Variants in SEMA4D observed in about 807,000 individuals in gnomAD.
SEMA4D encodes semaphorin-4D.
Under a neutral mutation model 74.8 loss-of-function variants are expected in SEMA4D, and 22 were observed. The ratio of observed to expected loss-of-function variants is 0.29; its 90% CI spans 0.21 to 0.42. The LOEUF (loss-of-function observed/expected upper bound fraction) is 0.42, where lower values mean the gene tolerates loss of function less well. Among genes scored for constraint, SEMA4D ranks in the 10% least tolerant of loss-of-function variants. The pLI is 1.00. For missense variants in SEMA4D, 937 were observed against 1,118.4 expected (o/e 0.84, Z 2.31); for synonymous variants, 445 against 463.7 (o/e 0.96, Z 0.52).
chr9:89,494,693 G>A (rs1336649332), intron 1 of SEMA4D, among the ~76,000 whole-genome samples: 1 of 152,140 alleles, frequency 6.6e-6, no homozygotes, highest in African/African-American at 2.4e-5. Context: ...CAAAGTGCAT[G>A]CAAGTAGGCA....
chr9:89,458,085 G>A (rs1255964050), intron 1 of SEMA4D, among the ~76,000 whole-genome samples: 2 of 152,144 alleles, frequency 1.3e-5, no homozygotes, highest in African/African-American at 2.4e-5. Context: ...GTGACCTTGT[G>A]TGGAAAGGGA....
intron 16 of SEMA4D, chr9:89,364,086 C>T: frequency 6.4e-7 from 1 of 1,555,060 alleles, no homozygotes; most frequent in Admixed American, 1.8e-5. Context: ...AATTCAGTCC[C>T]TGGGACTGCC....
intron 2 of SEMA4D, among the ~76,000 whole-genome samples, chr9:89,447,390 T>C (rs1853177871): frequency 6.6e-6 from 1 of 151,238 alleles, no homozygotes; most frequent in Admixed American, 6.6e-5. Flanking sequence ...CAAACCACGC[T>C]CCTCACCTCC....
chr9:89,392,902 T>C (rs947394783), intron 7 of SEMA4D, among the ~76,000 whole-genome samples: 3 of 152,126 alleles, frequency 2.0e-5, no homozygotes, highest in Non-Finnish European at 4.4e-5. Flanking sequence ...AATTTTTACA[T>C]TTTTTGGTAG....
At chr9:89,386,281 G>C in intron 13 of SEMA4D, 86 bp downstream of exon 13, 1 of 1,159,434 alleles carries the variant, frequency 8.6e-7, no homozygotes, top group South Asian at 1.5e-5. Context: ...CCAGGAGCCC[G>C]ACTCCAGCTT....
rs111297115 is a variant in SEMA4D, at chr9:89,366,937, T to C, written c.1883-2987A>G. Among the ~76,000 whole-genome samples, 1,047 of 152,260 alleles carry C rather than the reference T, an allele frequency of 6.9e-3. 15 individuals are homozygous for C. The highest frequency in any genetic ancestry group is 0.024 in the African/African-American group (992 of 41,534). On this transcript the variant is annotated intron_variant, in intron 16 of 18. Coordinates refer to the SEMA4D transcript ENST00000339861. ...GACTAAGAATCTGGGTGGCCTAAGC[T>C]GGATTGGATTAATCACCCAACGCCC...
At chr9:89,386,065 G>A (rs1227170220) in intron 13 of SEMA4D, 8 of 985,336 alleles carry the variant, frequency 8.1e-6, no homozygotes, top group African/African-American at 3.5e-5. Context: ...ATAAAAAGGT[G>A]TCTTCATGGA....
intron 1 of SEMA4D, among the ~76,000 whole-genome samples, chr9:89,495,432 C>A (rs1359925601): frequency 1.3e-5 from 2 of 152,114 alleles, no homozygotes; most frequent in African/African-American, 2.4e-5. Context: ...CAGCCCTGGA[C>A]CCTGGACGGC....
chr9:89,429,964 C>T (rs893132687), intron 2 of SEMA4D, among the ~76,000 whole-genome samples: 1 of 151,734 alleles, frequency 6.6e-6, no homozygotes, highest in Non-Finnish European at 1.5e-5. Flanking sequence ...ACAAGAAAAC[C>T]TCATTAAAAA....
At chr9:89,446,248 C>A (rs976679189) in intron 2 of SEMA4D, among the ~76,000 whole-genome samples, 2 of 152,212 alleles carry the variant, frequency 1.3e-5, no homozygotes, top group Non-Finnish European at 2.9e-5. Flanking sequence ...GAGAAGAACA[C>A]TTGTGAGTGC....
intron 1 of SEMA4D, among the ~76,000 whole-genome samples, chr9:89,478,278 G>A (rs1236567913): frequency 6.6e-6 from 1 of 152,126 alleles, no homozygotes; most frequent in East Asian, 1.9e-4. Context: ...CTAAATCCAG[G>A]GACAAGTGCC....
At chr9:89,463,142 T>C (rs1857762837) in intron 1 of SEMA4D, among the ~76,000 whole-genome samples, 1 of 151,920 alleles carries the variant, frequency 6.6e-6, no homozygotes, top group Non-Finnish European at 1.5e-5. Flanking sequence ...AGGTTTCCAA[T>C]GTGTTGAGTT....
rs747311424 is a variant in SEMA4D, at chr9:89,379,128, G to A, written c.2165C>T (p.Ser722Leu). 3.3e-5 allele frequency: 54 copies of A among 1,614,076 alleles called. 1 individual carries two copies. Among genetic ancestry groups the A allele is most frequent in the Admixed American group, 3.3e-5 (2 of 60,002 alleles). Residue 722 changes from serine to leucine, a missense_variant, in exon 16 of 16, where the codon TCG becomes TTG. Coordinates refer to ENST00000422704, the MANE Select transcript of SEMA4D (RefSeq NM_001371194.2). The part of the protein sequence containing the change: ...IVINTVPQLH[S>L]EKTMYLKSSD... Reference sequence around the variant, plus strand: ...GGACTTAAGATACATGGTTTTCTCCGAGTGGAGCTGGGGGACCGTGTTGAT... The same window carrying A: ...GGACTTAAGATACATGGTTTTCTCCAAGTGGAGCTGGGGGACCGTGTTGAT...
intron 8 of SEMA4D, 124 bp downstream of exon 8, chr9:89,392,299 C>CT: frequency 2.9e-6 from 2 of 692,128 alleles, no homozygotes; most frequent in Non-Finnish European, 5.1e-6. Context: ...AAGTATCCCC[C>CT]ACAAACAGGG....
intron 16 of SEMA4D, among the ~76,000 whole-genome samples, chr9:89,370,501 T>C (rs368805410): frequency 6.8e-6 from 1 of 147,444 alleles, no homozygotes; most frequent in Non-Finnish European, 1.5e-5. Context: ...GGAGGTATGG[T>C]GTGTGTGTGA....
intron 6 of SEMA4D, among the ~76,000 whole-genome samples, chr9:89,395,904 A>C (rs1840852074): frequency 6.6e-6 from 1 of 152,222 alleles, no homozygotes; most frequent in Admixed American, 6.5e-5. Context: ...GGCATATTTT[A>C]CATTTATCAG....
chr9:89,374,657 T>C (rs1476303071), downstream of SEMA4D, among the ~76,000 whole-genome samples: 2 of 152,222 alleles, frequency 1.3e-5, no homozygotes, highest in Non-Finnish European at 2.9e-5. Context: ...AACAGTGATG[T>C]CCCTTCTCCC....
intron 16 of SEMA4D, among the ~76,000 whole-genome samples, chr9:89,366,214 G>T (rs1033266822): frequency 6.6e-6 from 1 of 152,248 alleles, no homozygotes; most frequent in Non-Finnish European, 1.5e-5. Context: ...ATGTATACAT[G>T]TGTGAACGTA....
At chr9:89,415,849 A>G (rs1299193733) in intron 2 of SEMA4D, among the ~76,000 whole-genome samples, 1 of 152,244 alleles carries the variant, frequency 6.6e-6, no homozygotes, top group Admixed American at 6.5e-5. Flanking sequence ...AGATGCTTCC[A>G]GAATGCCAAA....
Sources: gnomAD v4.1 joint callset for allele counts (sites outside exome capture counted in the v4.1 genomes callset) on GRCh38, gnomAD v4.1.1 for gene constraint, MANE v1.5 for transcripts, NCBI Gene and HGNC (gene_info 2026-07-23, HGNC 2026-07-21) for gene names.